The following BCL11B variants were observed in gnomAD, a reference collection of about 807,000 sequenced individuals.
BCL11B encodes the protein B-cell lymphoma/leukemia 11B.
Under a neutral mutation model 49.9 loss-of-function variants are expected in BCL11B, and 8 were observed. That is an observed-to-expected ratio of 0.16 (90% CI 0.09 to 0.29). The LOEUF is 0.29. Ranked by LOEUF, BCL11B falls within the 10% of genes least tolerant of loss-of-function variation. The pLI, the probability that BCL11B is intolerant of heterozygous loss-of-function variation, is 1.00. For missense variants in BCL11B, 1,006 were observed against 1,351.0 expected, an observed-to-expected ratio of 0.74 and a Z score of 4.00; for synonymous variants, 739 against 637.4, an observed-to-expected ratio of 1.16 and a Z score of -2.40.
In BCL11B at chr14:99,174,681, G is replaced by A. The variant is rs1207007777; in HGVS notation, c.2155C>T (p.Arg719Trp). 2 of 1,576,614 alleles carry A rather than the reference G, an allele frequency of 1.3e-6. No homozygotes were observed. Among genetic ancestry groups the A allele is most frequent in the African/African-American group, 1.4e-5 (1 of 71,394 alleles). The part of the protein sequence containing the change: ...SQWLVGYAAS[R>W]HFMKDPFLGF... ...AGGAAGGGGTCCTTCATGAAGTGCC[G>A]CGACGCCGCGTAGCCCACCAGCCAC... is the stretch of plus-strand genomic sequence containing the variant. Residue 719 changes from arginine to tryptophan, a missense_variant, in exon 4 of 4, where the codon CGG (arginine) becomes TGG (tryptophan). Around this residue, in one of 6 missense-constraint regions of BCL11B, gnomAD observed 443 missense variants for 499.7 expected, o/e 0.89. Coordinates refer to ENST00000357195, the MANE Select transcript of BCL11B (RefSeq NM_138576.4).
Position 99,245,581 on chromosome 14 carries a change from C to A in BCL11B, c.427+11890G>T, listed in dbSNP as rs546516976. ...TCCCGCCAAGGTGGGCTGAGGAAGA[C>A]GGCGCCACTCATCAGGGCAATGGCG... On this transcript the variant is annotated intron_variant, in intron 2 of 3. Transcript: ENST00000357195. 3.5e-4 allele frequency among the ~76,000 whole-genome samples: 54 copies of A among 152,348 alleles called. 1 individual carries two copies. Among genetic ancestry groups the A allele is most frequent in the African/African-American group, 1.3e-3 (52 of 41,594 alleles).
rs962437335 is a variant in BCL11B, at chr14:99,248,497, C to G, written c.427+8974G>C. Among the ~76,000 whole-genome samples the G allele has an allele frequency of 6.6e-5, 10 of 152,078 alleles. No individual in the cohort carries two copies. Among genetic ancestry groups the G allele is most frequent in the Non-Finnish European group, 8.8e-5 (6 of 68,002 alleles). ...TTTATACAATTCAGGGTACACTCAT[C>G]ACAAAGAAAAGAATGCCAAACCACA... On this transcript the variant is annotated intron_variant, in intron 2 of 3. Transcript: ENST00000357195. This position sits in a 1 kb window ranked among gnomAD's most constrained non-coding sequence, Gnocchi z 4.7.
intron 3 of BCL11B, among the ~76,000 whole-genome samples, chr14:99,206,534 T>C (rs1887538145): frequency 6.6e-6 from 1 of 152,242 alleles, no homozygotes; most frequent in Non-Finnish European, 1.5e-5. Flanking sequence ...CTGTCCAGCA[T>C]ATCCATGCTG....
intron 1 of BCL11B, chr14:99,264,499 T>TC (rs1326241037): frequency 2.6e-5 from 4 of 151,294 alleles, no homozygotes; most frequent in Admixed American, 2.0e-4. Flanking sequence ...AAGAGAGGAT[T>TC]TTTTTTTTCT....
chr14:99,193,525 A>T (rs1300775878), intron 3 of BCL11B, among the ~76,000 whole-genome samples: 1 of 152,200 alleles, frequency 6.6e-6, no homozygotes, highest in Non-Finnish European at 1.5e-5. Flanking sequence ...TTGGTACAAC[A>T]TGCCGGAGAA....
rs1365243602 is a variant in BCL11B at position 99,172,785 on chromosome 14, G to A, written c.*1366C>T. ...AAAAGCTTTAAAGTGCGGGTCAACA[G>A]AATTCAAATGTCTAATCTTAACAGT... On this transcript the variant is annotated 3_prime_UTR_variant, in exon 4 of 4. Coordinates refer to ENST00000357195, the MANE Select transcript of BCL11B (RefSeq NM_138576.4). 4.6e-6 allele frequency: 1 copy of A among 216,180 alleles called. No individual in the cohort carries two copies. Among genetic ancestry groups the A allele is most frequent in the Non-Finnish European group, 9.3e-6 (1 of 107,326 alleles). 13.4% of individuals were successfully genotyped at this position (216,180 alleles called of 1,614,324 possible). A position where few individuals can be genotyped will look rare whatever the true frequency, so the allele number is the denominator to read the frequency against.
intron 3 of BCL11B, among the ~76,000 whole-genome samples, chr14:99,198,433 C>T (rs1446267365): frequency 6.6e-6 from 1 of 152,274 alleles, no homozygotes; most frequent in South Asian, 2.1e-4. Flanking sequence ...TTGACATTTT[C>T]CCACATCGCT....
In BCL11B at chr14:99,195,457, A is replaced by C. The variant is rs941020848; in HGVS notation, c.641-19262T>G. 6.6e-6 allele frequency among the ~76,000 whole-genome samples: 1 copy of C among 152,020 alleles called. No homozygotes were observed. The highest frequency in any genetic ancestry group is 1.5e-5 in the Non-Finnish European group (1 of 67,996). On this transcript the variant is annotated intron_variant, in intron 3 of 3. Coordinates refer to ENST00000357195, the MANE Select transcript of BCL11B (RefSeq NM_138576.4). This position sits in a 1 kb window ranked among gnomAD's most constrained non-coding sequence, Gnocchi z 4.7. ...CCTTGCCCACCCCACCACACACCAC[A>C]GTCCCCCAAGCCAGGATACTGCACT... is the stretch of plus-strand genomic sequence containing the variant.
intron 3 of BCL11B, among the ~76,000 whole-genome samples, chr14:99,191,638 G>A (rs1022567558): frequency 1.4e-4 from 21 of 151,966 alleles, no homozygotes; most frequent in African/African-American, 4.4e-4. Flanking sequence ...TCCGAGCCTC[G>A]TGAAGGGGGA....
intron 2 of BCL11B, among the ~76,000 whole-genome samples, chr14:99,249,550 T>C (rs998944927): frequency 9.9e-5 from 15 of 152,200 alleles, no homozygotes; most frequent in Non-Finnish European, 2.1e-4. Context: ...ATGAAAGGAA[T>C]ACCTGATTTA....
chr14:99,224,570 C>A (rs807736), intron 3 of BCL11B, among the ~76,000 whole-genome samples: 126,067 of 152,146 alleles, frequency 0.83, 52,460 homozygotes, highest in Admixed American at 0.87. Context: ...CAGAGTCTCA[C>A]AAGGCTTTCC....
At chr14:99,196,454 C>T (rs963726303) in intron 3 of BCL11B, among the ~76,000 whole-genome samples, 3 of 152,228 alleles carry the variant, frequency 2.0e-5, no homozygotes, top group Non-Finnish European at 4.4e-5. Flanking sequence ...CCTCCTGAGC[C>T]AGGCCAGCCA....
chr14:99,218,372 G>A (rs1017782971), intron 3 of BCL11B, among the ~76,000 whole-genome samples: 3 of 151,376 alleles, frequency 2.0e-5, no homozygotes, highest in Non-Finnish European at 2.9e-5. Flanking sequence ...GAGCCACTGC[G>A]CCCGGCCACA....
Position 99,242,381 on chromosome 14 carries a change from G to A in BCL11B, c.428-10824C>T, listed in dbSNP as rs570157511. Among the ~76,000 whole-genome samples the A allele has an allele frequency of 5.8e-4, 89 of 152,330 alleles. No homozygotes were observed. Among genetic ancestry groups the A allele is most frequent in the African/African-American group, 2.1e-3 (86 of 41,578 alleles). On this transcript the variant is annotated intron_variant, in intron 2 of 3. Coordinates refer to ENST00000357195, the MANE Select transcript of BCL11B (RefSeq NM_138576.4). The surrounding 1 kb of genome is among the most constrained non-coding windows in gnomAD (Gnocchi z 4.4). Reference sequence around the variant, plus strand: ...GGTTGGGAGGGTTACGAGTCCAGCCGTGGAGAGGGGAATATCACGGCCTTC... The same window carrying A: ...GGTTGGGAGGGTTACGAGTCCAGCCATGGAGAGGGGAATATCACGGCCTTC...
intron 3 of BCL11B, among the ~76,000 whole-genome samples, chr14:99,208,938 G>A (rs1887611995): frequency 6.6e-6 from 1 of 152,158 alleles, no homozygotes; most frequent in Admixed American, 6.5e-5. Context: ...TGGAAACCTC[G>A]AGCCCCCAAG....
intron 1 of BCL11B, among the ~76,000 whole-genome samples, chr14:99,269,875 T>TA (rs56659919): frequency 0.021 from 882 of 41,208 alleles, 15 homozygotes; most frequent in Non-Finnish European, 0.027. Context: ...CTATTGCAGT[T>TA]AAAAAAAAAA....
Position 99,257,903 on chromosome 14 carries a change from C to A in BCL11B, c.59-64G>T. On this transcript the variant is annotated intron_variant, in intron 1 of 3. Transcript: ENST00000357195. This position sits in a 1 kb window ranked among gnomAD's most constrained non-coding sequence, Gnocchi z 6.2. ...TAGAGATGGGCTTAGGCGGTCACAG[C>A]ACCCAACTTCCGGTCCACCCCTTCC... 3 of 1,435,478 alleles carry A rather than the reference C, an allele frequency of 2.1e-6. No homozygotes were observed. Among genetic ancestry groups the A allele is most frequent in the Non-Finnish European group, 2.7e-6 (3 of 1,091,498 alleles). 88.9% of individuals were successfully genotyped at this position (1,435,478 alleles called of 1,614,324 possible).
At position 99,196,164 on chromosome 14, in the gene BCL11B, A is replaced by T. The variant is rs1257430; in HGVS notation, c.641-19969T>A. Among the ~76,000 whole-genome samples, 7 of 152,094 alleles carry T rather than the reference A, an allele frequency of 4.6e-5. 1 individual carries two copies. The highest frequency in any genetic ancestry group is 6.8e-3 in the Middle Eastern group (2 of 294). ...TCGAAGGTGCTTGTTGCATTCCCAAAGGCAAACACCATCTCCCAATGCTGC... is the reference window on the plus strand; with the variant it reads ...TCGAAGGTGCTTGTTGCATTCCCAATGGCAAACACCATCTCCCAATGCTGC... On this transcript the variant is annotated intron_variant, in intron 3 of 3. Coordinates refer to ENST00000357195, the MANE Select transcript of BCL11B (RefSeq NM_138576.4).
At chr14:99,179,330 C>T (rs150750057) in intron 3 of BCL11B, among the ~76,000 whole-genome samples, 1,914 of 152,006 alleles carry the variant, frequency 0.013, 37 homozygotes, top group African/African-American at 0.044. Context: ...AAAAATTAGC[C>T]GGGTGTGGTG....
Sources: gnomAD v4.1 joint callset for allele counts (sites outside exome capture counted in the v4.1 genomes callset) on GRCh38, gnomAD v4.1.1 for gene constraint, gnomAD v4.1.1 regional missense constraint, Gnocchi (gnomAD v3.1) non-coding constraint, MANE v1.5 for transcripts, NCBI Gene and HGNC (gene_info 2026-07-23, HGNC 2026-07-21) for gene names.